The following MIR2052HG variants were observed in gnomAD, a reference collection of about 807,000 sequenced individuals.
MIR2052HG encodes MIR2052 host gene.
At chr8:74,728,873 A>G (rs1295283270) in intron 4 of MIR2052HG, among the ~76,000 whole-genome samples, 1 of 152,120 alleles carries the variant, frequency 6.6e-6, no homozygotes, top group African/African-American at 2.4e-5. Context: ...TCCTTATTGC[A>G]TGGCTCAGAA....
At chr8:74,685,539 T>A (rs73687248) in intron 2 of MIR2052HG, among the ~76,000 whole-genome samples, 3,561 of 152,208 alleles carry the variant, frequency 0.023, 141 homozygotes, top group African/African-American at 0.081. Flanking sequence ...TATACACTTC[T>A]GTAGCGTTTG....
intron 4 of MIR2052HG, among the ~76,000 whole-genome samples, chr8:74,706,792 A>G (rs964712983): frequency 2.6e-5 from 4 of 152,130 alleles, no homozygotes; most frequent in African/African-American, 9.7e-5. Context: ...AATTCTTAGT[A>G]TATGGACTGG....
At chr8:74,618,765 T>C (rs1808319910) in intron 2 of MIR2052HG, among the ~76,000 whole-genome samples, 5 of 152,192 alleles carry the variant, frequency 3.3e-5, no homozygotes, top group Admixed American at 2.6e-4. Context: ...ACCACTTCTA[T>C]TCAACATAGT....
chr8:74,737,281 A>G (rs905284008), intron 4 of MIR2052HG, among the ~76,000 whole-genome samples: 8 of 152,076 alleles, frequency 5.3e-5, no homozygotes, highest in Non-Finnish European at 1.0e-4. Flanking sequence ...CTACAACTTC[A>G]TTTACATAAA....
At chr8:74,757,181 A>G (rs560673194) in intron 5 of MIR2052HG, 15 of 152,282 alleles carry the variant, frequency 9.9e-5, no homozygotes, top group African/African-American at 3.1e-4. Context: ...TCATTAGGTT[A>G]ATAACACCCT....
At chr8:74,612,955 T>C (rs1015807614) in intron 2 of MIR2052HG, 8 of 456,052 alleles carry the variant, frequency 1.8e-5, no homozygotes, top group African/African-American at 1.2e-4. Flanking sequence ...GAAAGATCTT[T>C]GAGTGCAGCT....
At chr8:74,683,781 T>C (rs1586913129) in intron 2 of MIR2052HG, among the ~76,000 whole-genome samples, 1 of 152,140 alleles carries the variant, frequency 6.6e-6, no homozygotes, top group African/African-American at 2.4e-5. Context: ...ACTCCGATTG[T>C]GGCTGGTATA....
At chr8:74,719,447 T>C (rs1192548109) in intron 4 of MIR2052HG, among the ~76,000 whole-genome samples, 1 of 152,214 alleles carries the variant, frequency 6.6e-6, no homozygotes, top group Non-Finnish European at 1.5e-5. Flanking sequence ...GGTTTGCTGG[T>C]GACCCGGACA....
chr8:74,726,069 T>C (rs1018459489), intron 4 of MIR2052HG, among the ~76,000 whole-genome samples: 1 of 152,032 alleles, frequency 6.6e-6, no homozygotes, highest in African/African-American at 2.4e-5. Context: ...CGTGGGCACC[T>C]GTAATCTCAG....
intron 5 of MIR2052HG, among the ~76,000 whole-genome samples, chr8:74,754,029 A>C (rs1018938813): frequency 6.6e-6 from 1 of 152,238 alleles, no homozygotes; most frequent in Non-Finnish European, 1.5e-5. Flanking sequence ...TAGTTAGGAC[A>C]TGAGCTCTGA....
At chr8:74,648,251 C>G (rs929414374) in intron 2 of MIR2052HG, among the ~76,000 whole-genome samples, 11 of 152,080 alleles carry the variant, frequency 7.2e-5, no homozygotes, top group African/African-American at 2.7e-4. Flanking sequence ...AATGGCTGCT[C>G]TGGGAGTGTC....
intron 4 of MIR2052HG, among the ~76,000 whole-genome samples, chr8:74,716,568 G>A (rs140402348): frequency 0.011 from 1,599 of 152,152 alleles, 32 homozygotes; most frequent in African/African-American, 0.036. Flanking sequence ...AAATTAGCTG[G>A]GTGTGGTGGT....
chr8:74,673,981 C>T (rs1037871094), intron 2 of MIR2052HG, among the ~76,000 whole-genome samples: 1 of 148,944 alleles, frequency 6.7e-6, no homozygotes, highest in Non-Finnish European at 1.5e-5. Flanking sequence ...AAGCACTGTG[C>T]CCAGAGAAGC....
At chr8:74,703,241 A>G (rs1271779271) in intron 3 of MIR2052HG, among the ~76,000 whole-genome samples, 1 of 152,022 alleles carries the variant, frequency 6.6e-6, no homozygotes. Flanking sequence ...GGTCCTGAGA[A>G]TGGAATTCCA....
chr8:74,634,798 A>G (rs923876193), intron 2 of MIR2052HG, among the ~76,000 whole-genome samples: 1 of 152,116 alleles, frequency 6.6e-6, no homozygotes, highest in African/African-American at 2.4e-5. Flanking sequence ...GAAACGGACA[A>G]CGAAATCTGA....
chr8:74,670,224 T>C (rs1050050618), intron 2 of MIR2052HG, among the ~76,000 whole-genome samples: 4 of 152,158 alleles, frequency 2.6e-5, no homozygotes, highest in Non-Finnish European at 5.9e-5. Context: ...AAGATTGGGG[T>C]ACCATCTGTC....
chr8:74,684,088 G>T (rs1384773552), intron 2 of MIR2052HG, among the ~76,000 whole-genome samples: 1 of 152,182 alleles, frequency 6.6e-6, no homozygotes, highest in African/African-American at 2.4e-5. Context: ...CTGGTAGCTT[G>T]TTCAGAGGTC....
At chr8:74,603,455 T>A (rs1460150890) in intron 1 of MIR2052HG, 2 of 1,606,724 alleles carry the variant, frequency 1.2e-6, no homozygotes, top group East Asian at 4.5e-5. Context: ...CGGATCTCAT[T>A]TATTTTGGCG....
At chr8:74,653,131 A>G (rs1053392108) in intron 2 of MIR2052HG, among the ~76,000 whole-genome samples, 4 of 152,322 alleles carry the variant, frequency 2.6e-5, no homozygotes, top group South Asian at 4.1e-4. Flanking sequence ...AATTAGCAAG[A>G]CATTTGTCCA....
Sources: gnomAD v4.1 joint callset for allele counts (sites outside exome capture counted in the v4.1 genomes callset) on GRCh38, gnomAD v4.1.1 for gene constraint, MANE v1.5 for transcripts, NCBI Gene and HGNC (gene_info 2026-07-23, HGNC 2026-07-21) for gene names.